TET3: variants seen among roughly 807,000 people sequenced by gnomAD.
TET3 encodes the protein tet methylcytosine dioxygenase 3, also known as methylcytosine dioxygenase TET3.
In TET3, 19 loss-of-function variants were observed where a neutral mutation model predicts 141.4. The observed-to-expected ratio is 0.13, with a 90% CI of 0.09 to 0.20. The LOEUF (loss-of-function observed/expected upper bound fraction) is 0.20, where lower values mean the gene tolerates loss of function less well. TET3 is among the 10% of genes least tolerant of loss of function. TET3 has a pLI of 1.00. For missense variants in TET3, 1,874 were observed against 2,356.9 expected (o/e 0.80, Z 4.24); for synonymous variants, 1,043 against 980.9 (o/e 1.06, Z -1.18).
intron 3 of TET3, among the ~76,000 whole-genome samples, chr2:74,035,938 G>C (rs1206302944): frequency 6.6e-6 from 1 of 151,622 alleles, no homozygotes; most frequent in African/African-American, 2.4e-5. Context: ...GAATCATTGA[G>C]CCCGGGAGGC....
intron 3 of TET3, among the ~76,000 whole-genome samples, chr2:74,032,435 C>T (rs1686745691): frequency 6.8e-6 from 1 of 147,828 alleles, no homozygotes; most frequent in Non-Finnish European, 1.5e-5. Context: ...CCAGCGGCTG[C>T]AAGAGGGGTG....
At chr2:74,096,440 A>G (rs1048246875) in intron 10 of TET3, among the ~76,000 whole-genome samples, 3 of 152,240 alleles carry the variant, frequency 2.0e-5, no homozygotes, top group African/African-American at 7.2e-5. Flanking sequence ...AGGCCAATAC[A>G]AACTGGATAC....
intron 1 of TET3, among the ~76,000 whole-genome samples, chr2:73,985,538 T>TGCCCAGGGCGCGCCCC (rs1190031216): frequency 1.4e-5 from 2 of 146,174 alleles, no homozygotes; most frequent in Non-Finnish European, 3.0e-5. Context: ...GGGCGCGGGC[T>TGCCCAGGGCGCGCCCC]GCCCAGGGCG....
chr2:74,011,954 TG>T (rs1685458070), intron 3 of TET3, among the ~76,000 whole-genome samples: 2 of 152,056 alleles, frequency 1.3e-5, no homozygotes, highest in African/African-American at 4.8e-5. Context: ...GTCATTTTTT[TG>T]TTTGTTTGTT....
At position 74,103,997 on chromosome 2, in the gene TET3, T is replaced by A. The variant is rs1439523940; in HGVS notation, c.*1821T>A. ...CTTGAGTAAGAGCTGAGAACCGGCC[T>A]GCTGGGTGTTTACTGTATCTGTTTG... On this transcript the variant is annotated 3_prime_UTR_variant, in exon 12 of 12. Coordinates refer to ENST00000409262, the MANE Select transcript of TET3 (RefSeq NM_001287491.2). 6.5e-6 allele frequency: 1 copy of A among 153,800 alleles called. No individual in the cohort carries two copies. The highest frequency in any genetic ancestry group is 2.4e-5 in the African/African-American group (1 of 41,460). The allele number at this position is 153,800 out of a possible 1,614,324, so 9.5% of individuals were successfully genotyped here.
At chr2:73,992,449 G>T (rs987348787) in intron 2 of TET3, among the ~76,000 whole-genome samples, 1 of 152,074 alleles carries the variant, frequency 6.6e-6, no homozygotes, top group Non-Finnish European at 1.5e-5. Context: ...GAGTAGCTGG[G>T]ATTACAGGCA....
intron 4 of TET3, among the ~76,000 whole-genome samples, chr2:74,057,192 TG>T (rs1424851164): frequency 1.3e-5 from 2 of 152,184 alleles, no homozygotes; most frequent in African/African-American, 4.8e-5. Context: ...CTGCCAACTG[TG>T]GGGCTTTATT....
chr2:74,010,887 A>G (rs1249769381), intron 3 of TET3, among the ~76,000 whole-genome samples: 1 of 152,230 alleles, frequency 6.6e-6, no homozygotes, highest in Non-Finnish European at 1.5e-5. Flanking sequence ...CCAGAACTTA[A>G]GCGGGAAACT....
At chr2:74,057,805 TAAAC>T (rs1486597492) in intron 4 of TET3, among the ~76,000 whole-genome samples, 2 of 152,092 alleles carry the variant, frequency 1.3e-5, no homozygotes, top group Admixed American at 6.5e-5. Flanking sequence ...GATTAACAAA[TAAAC>T]AAAATCAACA....
At chr2:74,034,976 G>A (rs1305997306) in intron 3 of TET3, among the ~76,000 whole-genome samples, 2 of 151,232 alleles carry the variant, frequency 1.3e-5, no homozygotes, top group Non-Finnish European at 2.9e-5. Flanking sequence ...CAGATCACGA[G>A]GTCAGTAGAC....
At chr2:74,119,197 C>T in the TET3 span, among the ~76,000 whole-genome samples, 2 of 151,938 alleles carry the variant, frequency 1.3e-5, no homozygotes, top group East Asian at 1.9e-4. Context: ...TACTAAAAAT[C>T]CAAAAATTAG....
rs1221638500 is a variant in TET3 at position 74,073,540 on chromosome 2, T to C, written c.2495-9T>C. 3 of 1,594,584 alleles carry C rather than the reference T, an allele frequency of 1.9e-6. No homozygotes were observed. The highest frequency in any genetic ancestry group is 2.6e-6 in the Non-Finnish European group (3 of 1,171,836). On this transcript the variant is annotated splice_polypyrimidine_tract_variant and intron_variant, in intron 4 of 11. Transcript: ENST00000409262. The stretch of plus-strand genomic sequence containing the variant: ...ATTCCAAAAATGTTTACTCTCTGTG[T>C]TTCTGCAGAACAAATAGTGGAGAAA...
At chr2:73,989,567 C>T (rs1025148122) in intron 2 of TET3, among the ~76,000 whole-genome samples, 2 of 152,066 alleles carry the variant, frequency 1.3e-5, no homozygotes, top group African/African-American at 4.8e-5. Flanking sequence ...CAGGGGAATC[C>T]CTCAGAAAAG....
At chr2:74,000,573 C>T (rs1684796663) in intron 2 of TET3, among the ~76,000 whole-genome samples, 1 of 152,034 alleles carries the variant, frequency 6.6e-6, no homozygotes. Context: ...AGGAGCAGCA[C>T]CGGGAAGTCT....
At chr2:74,080,666 T>C in intron 6 of TET3, 75 bp downstream of exon 6, 1 of 912,236 alleles carries the variant, frequency 1.1e-6, no homozygotes, top group Non-Finnish European at 1.5e-6. Flanking sequence ...TGTGCCTGGT[T>C]CCCCTTGCTG....
chr2:74,032,485 G>GCGCGCGCGCGCGCGATGGCCCCAGCGGC (rs1558730097), intron 3 of TET3, among the ~76,000 whole-genome samples: 5 of 150,294 alleles, frequency 3.3e-5, no homozygotes, highest in African/African-American at 1.2e-4. Context: ...GTGTGTGTGT[G>GCGCGCGCGCGCGCGATGGCCCCAGCGGC]TGTGTGTGTG....
At chr2:74,117,235 C>A in the TET3 span, among the ~76,000 whole-genome samples, 3,466 of 152,226 alleles carry the variant, frequency 0.023, 150 homozygotes, top group African/African-American at 0.079. Flanking sequence ...TGCCACCATG[C>A]CTGGCTAATT....
chr2:73,995,001 C>T (rs1038672205), intron 2 of TET3, among the ~76,000 whole-genome samples: 3 of 151,996 alleles, frequency 2.0e-5, no homozygotes, highest in African/African-American at 7.3e-5. Context: ...TGCTCTGTTG[C>T]CCAGGCTGGA....
chr2:74,126,131 C>G, the TET3 span, among the ~76,000 whole-genome samples: 24 of 152,212 alleles, frequency 1.6e-4, no homozygotes, highest in African/African-American at 5.5e-4. Context: ...CATAATTAAC[C>G]TATCATGTCT....
Sources: gnomAD v4.1 joint callset for allele counts (sites outside exome capture counted in the v4.1 genomes callset) on GRCh38, gnomAD v4.1.1 for gene constraint, MANE v1.5 for transcripts, NCBI Gene and HGNC (gene_info 2026-07-23, HGNC 2026-07-21) for gene names.